The following PKD1L1 variants were observed in gnomAD, a reference collection of about 807,000 sequenced individuals.
The protein encoded by PKD1L1 is polycystin 1 like 1, transient receptor potential channel interacting.
In PKD1L1, 236 loss-of-function variants were observed where a neutral mutation model predicts 323.4. The ratio of observed to expected loss-of-function variants is 0.73; its 90% CI spans 0.66 to 0.81. The LOEUF (loss-of-function observed/expected upper bound fraction) is 0.81, where lower values mean the gene tolerates loss of function less well. Among genes scored for constraint, PKD1L1 ranks in the 40% least tolerant of loss-of-function variants. PKD1L1 has a pLI of 0.00. For missense variants in PKD1L1, 3,320 were observed against 3,508.0 expected (o/e 0.95, Z 1.35); for synonymous variants, 1,344 against 1,335.0 (o/e 1.01, Z -0.15).
intron 7 of PKD1L1, among the ~76,000 whole-genome samples, chr7:47,919,813 G>T (rs1223351039): frequency 6.6e-6 from 1 of 152,006 alleles, no homozygotes; most frequent in East Asian, 1.9e-4. Context: ...ACAAAATCCA[G>T]CATCCCTTTA....
intron 8 of PKD1L1, among the ~76,000 whole-genome samples, chr7:47,913,649 G>A (rs746193686): frequency 8.5e-5 from 13 of 152,058 alleles, no homozygotes; most frequent in African/African-American, 1.4e-4. Flanking sequence ...TTCCCTGTTC[G>A]CTTTCTGCCA....
At chr7:47,806,181 T>G (rs1209744422) in intron 52 of PKD1L1, among the ~76,000 whole-genome samples, 1 of 152,228 alleles carries the variant, frequency 6.6e-6, no homozygotes, top group Non-Finnish European at 1.5e-5. Flanking sequence ...GATTCATGTT[T>G]GCCCTAGTCA....
chr7:47,942,176 C>T (rs1788001520), intron 2 of PKD1L1, among the ~76,000 whole-genome samples: 1 of 152,164 alleles, frequency 6.6e-6, no homozygotes, highest in Non-Finnish European at 1.5e-5. Context: ...TATAAACCCC[C>T]AAGTTTTAGT....
chr7:47,881,482 G>C (rs575089396), intron 20 of PKD1L1, among the ~76,000 whole-genome samples: 3 of 152,072 alleles, frequency 2.0e-5, no homozygotes, highest in Non-Finnish European at 4.4e-5. Flanking sequence ...AACACGAAAG[G>C]GGGAAATACA....
intron 53 of PKD1L1, among the ~76,000 whole-genome samples, 200 bp downstream of exon 53, chr7:47,803,010 G>A (rs751278220): frequency 4.6e-5 from 7 of 152,200 alleles, no homozygotes; most frequent in Non-Finnish European, 7.4e-5. Context: ...CTAAATCATG[G>A]TTATTGTTGT....
chr7:47,929,443 G>A lies in PKD1L1; in HGVS notation c.821C>T (p.Thr274Ile). ...TAGGATGGCCACAGGAGGATGCTGA[G>A]TAGGGGGATAGAGGATCTCAGAACC... ...QSGSEILYPP[T>I]QHPPVAILAR... The change falls in exon 7 of 57, where the codon ACT becomes ATT. Residue 274 changes from threonine (T) to isoleucine (I), a missense_variant. Coordinates refer to ENST00000289672, the MANE Select transcript of PKD1L1 (RefSeq NM_138295.5). 1 of 1,614,098 alleles carries A rather than the reference G, an allele frequency of 6.2e-7. No homozygotes were observed. Among genetic ancestry groups the A allele is most frequent in the Non-Finnish European group, 8.5e-7 (1 of 1,179,928 alleles).
At chr7:47,904,688 C>T (rs1456431471) in intron 11 of PKD1L1, 71 bp from the exon 12 acceptor site, 14 of 1,511,402 alleles carry the variant, frequency 9.3e-6, no homozygotes, top group South Asian at 2.6e-5. Flanking sequence ...CTAGAGAAAC[C>T]GTCTGCTATA....
chr7:47,882,186 TTGCTGG>T, intron 19 of PKD1L1, 101 bp from the exon 20 acceptor site: 1 of 1,199,206 alleles, frequency 8.3e-7, no homozygotes, highest in South Asian at 1.4e-5. Flanking sequence ...ATTTGTACTA[TTGCTGG>T]ATACCGCCTA....
intron 53 of PKD1L1, among the ~76,000 whole-genome samples, chr7:47,802,384 T>C (rs1584952747): frequency 6.6e-6 from 1 of 151,750 alleles, no homozygotes; most frequent in Non-Finnish European, 1.5e-5. Context: ...TGAGCTGGAG[T>C]GTGGGACAGC....
chr7:47,959,808 G>A, the PKD1L1 span, among the ~76,000 whole-genome samples: 4 of 147,366 alleles, frequency 2.7e-5, no homozygotes, highest in Non-Finnish European at 4.5e-5. Flanking sequence ...GCCTCTGCCC[G>A]GCCGCCCCTA....
intron 14 of PKD1L1, among the ~76,000 whole-genome samples, chr7:47,896,116 T>C (rs1026918629): frequency 5.3e-5 from 8 of 151,964 alleles, no homozygotes; most frequent in Non-Finnish European, 1.0e-4. Context: ...GCAGGCAAAT[T>C]GCTTGAGCCC....
At chr7:47,795,498 A>T (rs143929988) in intron 55 of PKD1L1, 42 of 388,848 alleles carry the variant, frequency 1.1e-4, no homozygotes, top group African/African-American at 7.8e-4. Flanking sequence ...CTTTATCAGC[A>T]GTATGAAAAC....
At chr7:47,881,430 C>T (rs987753009) in intron 20 of PKD1L1, among the ~76,000 whole-genome samples, 1 of 152,168 alleles carries the variant, frequency 6.6e-6, no homozygotes, top group Non-Finnish European at 1.5e-5. Flanking sequence ...AAATCCAGAT[C>T]CTCCCCAAGA....
At chr7:47,892,459 G>T (rs1043344103) in intron 15 of PKD1L1, among the ~76,000 whole-genome samples, 1 of 152,166 alleles carries the variant, frequency 6.6e-6, no homozygotes, top group Non-Finnish European at 1.5e-5. Flanking sequence ...CTGTGAGGAC[G>T]TTGGCTTTTA....
rs1254978675 is a variant in PKD1L1, at chr7:47,843,288, A to T, written c.5238-119T>A. On this transcript the variant is annotated intron_variant, in intron 33 of 56. Coordinates refer to ENST00000289672, the MANE Select transcript of PKD1L1 (RefSeq NM_138295.5). ...AGTCCCTGCTGGGCTTCACTGATAC[A>T]TTTTTACACTTGCTGGAAGCTGAGT... is the stretch of plus-strand genomic sequence containing the variant. The T allele has an allele frequency of 1.2e-5, 9 of 757,680 alleles. 1 individual carries two copies. The highest frequency in any genetic ancestry group is 1.9e-5 in the Non-Finnish European group (9 of 478,750). 46.9% of individuals were successfully genotyped at this position (757,680 alleles called of 1,614,324 possible). A position where few individuals can be genotyped will look rare whatever the true frequency, so the allele number is the denominator to read the frequency against.
chr7:47,856,388 T>C (rs1415921099), intron 28 of PKD1L1, among the ~76,000 whole-genome samples: 2 of 152,236 alleles, frequency 1.3e-5, no homozygotes, highest in Admixed American at 6.5e-5. Context: ...AATTCCCTGA[T>C]TGACATAATA....
intron 14 of PKD1L1, 104 bp from the exon 15 acceptor site, chr7:47,894,163 A>C: frequency 5.0e-5 from 52 of 1,031,730 alleles, no homozygotes; most frequent in Non-Finnish European, 6.8e-5. Context: ...GACGAGTCTC[A>C]ACGCATCCCT....
At chr7:47,849,478 T>C (rs1288937620) in intron 31 of PKD1L1, among the ~76,000 whole-genome samples, 2 of 152,050 alleles carry the variant, frequency 1.3e-5, no homozygotes, top group Non-Finnish European at 2.9e-5. Flanking sequence ...CCAGAATTCA[T>C]AAGGAACTCA....
intron 26 of PKD1L1, 95 bp downstream of exon 26, chr7:47,865,121 A>G (rs1266536787): frequency 1.2e-6 from 1 of 855,724 alleles, no homozygotes; most frequent in Non-Finnish European, 1.9e-6. Context: ...TAAGTGTCAA[A>G]CTATGATTCT....
Sources: allele counts gnomAD v4.1 joint callset (sites outside exome capture counted in the v4.1 genomes callset), GRCh38; gene constraint gnomAD v4.1.1; transcripts MANE v1.5; gene names NCBI Gene and HGNC (gene_info 2026-07-23, HGNC 2026-07-21).